ARHGAP23: variants seen among roughly 807,000 people sequenced by gnomAD.
ARHGAP23 encodes rho GTPase-activating protein 23.
In ARHGAP23, 34 loss-of-function variants were observed where a neutral mutation model predicts 136.3. The observed-to-expected ratio is 0.25, with a 90% CI of 0.19 to 0.33. The LOEUF is 0.33. Ranked by LOEUF, ARHGAP23 falls within the 10% of genes least tolerant of loss-of-function variation. ARHGAP23 has a pLI of 1.00. For missense variants in ARHGAP23, 1,808 were observed against 2,139.0 expected (o/e 0.85, Z 3.05); for synonymous variants, 832 against 920.5 (o/e 0.90, Z 1.74).
intron 23 of ARHGAP23, among the ~76,000 whole-genome samples, chr17:38,506,594 T>A (rs1202428519): frequency 2.0e-5 from 3 of 152,162 alleles, no homozygotes; most frequent in East Asian, 1.9e-4. Flanking sequence ...GTCTTGTAGA[T>A]GGTAGATGGC....
At chr17:38,481,568 C>T (rs2040043280) in intron 14 of ARHGAP23, among the ~76,000 whole-genome samples, 1 of 152,214 alleles carries the variant, frequency 6.6e-6, no homozygotes, top group Admixed American at 6.5e-5. Flanking sequence ...GCTGGGATTA[C>T]AAGCATAAGC....
chr17:38,466,451 CT>C lies in ARHGAP23; in HGVS notation c.770del (p.Phe257SerfsTer82). 6.6e-7 allele frequency: 1 copy of C among 1,524,368 alleles called. No homozygotes were observed. Among genetic ancestry groups the C allele is most frequent in the Non-Finnish European group, 8.8e-7 (1 of 1,138,540 alleles). 94.4% of individuals were successfully genotyped at this position (1,524,368 alleles called of 1,614,324 possible). A position where few individuals can be genotyped will look rare whatever the true frequency, so the allele number is the denominator to read the frequency against. ...MSQPRPSPGA[F>X]PHLSSEPRTP... is the part of the protein sequence containing the mutation. ...GCCAGCCCCGCCCCAGCCCTGGTGC[CT>C]TCCCCCACCTCTCCTCGGAGCCCCG... On this transcript the variant is annotated frameshift_variant, in exon 7 of 24. Coordinates refer to ENST00000622683, the MANE Select transcript of ARHGAP23 (RefSeq NM_001199417.2). LOFTEE classifies it high-confidence loss of function.
chr17:38,510,622 C>G lies in ARHGAP23; in HGVS notation c.4126C>G (p.Leu1376Val), dbSNP rs990515416. 7.4e-7 allele frequency: 1 copy of G among 1,344,954 alleles called. No individual in the cohort carries two copies. The highest frequency in any genetic ancestry group is 9.5e-7 in the Non-Finnish European group (1 of 1,056,716). The allele number at this position is 1,344,954 out of a possible 1,614,324, so 83.3% of individuals were successfully genotyped here. Reference protein sequence around the residue: ...PSRMEALRLRLRGTADDMLAV... With the variant: ...PSRMEALRLRVRGTADDMLAV... ...GCGCATGGAGGCGCTGCGTCTAAGG[C>G]TCCGCGGCACGGCGGACGACATGCT... is the stretch of plus-strand genomic sequence containing the variant. Residue 1376 changes from leucine to valine, a missense_variant, in exon 24 of 24, where the codon CTC becomes GTC. Transcript: ENST00000622683. The surrounding 1 kb of genome is among the most constrained non-coding windows in gnomAD (Gnocchi z 4.6).
chr17:38,492,412 G>A (rs988921282), intron 20 of ARHGAP23, among the ~76,000 whole-genome samples: 1 of 152,160 alleles, frequency 6.6e-6, no homozygotes, highest in Non-Finnish European at 1.5e-5. Context: ...CTTTAGGGAA[G>A]GAAAGCTGGG....
chr17:38,446,927 C>T (rs1462940500), intron 1 of ARHGAP23, among the ~76,000 whole-genome samples: 1 of 152,106 alleles, frequency 6.6e-6, no homozygotes, highest in Non-Finnish European at 1.5e-5. Context: ...GATCCTCCCA[C>T]CTCAGCCTCC....
At chr17:38,475,303 C>G (rs1210473930) in intron 11 of ARHGAP23, among the ~76,000 whole-genome samples, 2 of 152,376 alleles carry the variant, frequency 1.3e-5, no homozygotes, top group African/African-American at 4.8e-5. Flanking sequence ...GACCAACTCT[C>G]TCACTCATTT....
In ARHGAP23 at chr17:38,510,917, T is replaced by G; in HGVS notation, c.4421T>G (p.Leu1474Arg). 5 of 1,487,076 alleles carry G rather than the reference T, an allele frequency of 3.4e-6. 1 individual carries two copies. The South Asian group carries it at 6.4e-5, about 19-fold the overall frequency. 92.1% of individuals were successfully genotyped at this position (1,487,076 alleles called of 1,614,324 possible). ...CCCGCGCCCGGGGACACGGGGTCCCTGCAGAGCCAGCCCCCGCGCCGCTCG... is the reference window on the plus strand; with the variant it reads ...CCCGCGCCCGGGGACACGGGGTCCCGGCAGAGCCAGCCCCCGCGCCGCTCG... ...QPPAPGDTGS[L>R]QSQPPRRSAA... Residue 1474 changes from leucine (L) to arginine (R), a missense_variant, in exon 24 of 24, where the codon CTG (leucine) becomes CGG (arginine). Leu to Arg is a moderately radical substitution (Grantham distance 102, BLOSUM62 -2). This residue lies in a region of ARHGAP23 where 506 missense variants were observed against 455.8 expected (regional missense o/e 1.11). Transcript: ENST00000622683. The surrounding 1 kb of genome is among the most constrained non-coding windows in gnomAD (Gnocchi z 4.6).
chr17:38,452,606 G>T (rs1348922073), intron 1 of ARHGAP23, among the ~76,000 whole-genome samples: 1 of 152,158 alleles, frequency 6.6e-6, no homozygotes, highest in African/African-American at 2.4e-5. Context: ...GGTCCTCTTG[G>T]ACCTCAGTTT....
chr17:38,485,230 G>A (rs560758098), intron 16 of ARHGAP23, among the ~76,000 whole-genome samples: 34 of 152,186 alleles, frequency 2.2e-4, no homozygotes, highest in Non-Finnish European at 4.0e-4. Flanking sequence ...CGATCCACTA[G>A]ATGCAAGTGG....
intron 23 of ARHGAP23, among the ~76,000 whole-genome samples, chr17:38,508,216 A>G (rs963170832): frequency 1.3e-5 from 2 of 152,204 alleles, no homozygotes; most frequent in Non-Finnish European, 2.9e-5. Context: ...ATCTCAGGCA[A>G]AGGGAGGGCT....
chr17:38,445,885 C>T (rs7503298), intron 1 of ARHGAP23, among the ~76,000 whole-genome samples: 2 of 151,918 alleles, frequency 1.3e-5, no homozygotes, highest in African/African-American at 4.8e-5. Flanking sequence ...TCTCCCACCT[C>T]AGCCTCCCAA....
At chr17:38,438,495 A>G (rs1156707815) in intron 1 of ARHGAP23, among the ~76,000 whole-genome samples, 1 of 152,168 alleles carries the variant, frequency 6.6e-6, no homozygotes, top group Non-Finnish European at 1.5e-5. Context: ...GGAGGAGGTC[A>G]GGTTGGCAAG....
intron 1 of ARHGAP23, 52 bp downstream of exon 1, chr17:38,428,600 G>C (rs932264058): frequency 4.8e-6 from 6 of 1,252,352 alleles, no homozygotes; most frequent in African/African-American, 1.6e-5. Flanking sequence ...GCTGGGGAGC[G>C]GGCTGCCAAG....
At chr17:38,493,194 CTTT>C (rs60372950) in intron 20 of ARHGAP23, among the ~76,000 whole-genome samples, 1 of 133,056 alleles carries the variant, frequency 7.5e-6, no homozygotes, top group Non-Finnish European at 1.6e-5. Flanking sequence ...TCTCTTTTCG[CTTT>C]TTTTTTGTTT....
At chr17:38,487,191 G>A (rs2040179292) in intron 17 of ARHGAP23, among the ~76,000 whole-genome samples, 1 of 152,218 alleles carries the variant, frequency 6.6e-6, no homozygotes, top group African/African-American at 2.4e-5. Context: ...CAAAAGCAGA[G>A]TTGTAATTCT....
chr17:38,440,390 A>G (rs1342397406), intron 1 of ARHGAP23, among the ~76,000 whole-genome samples: 1 of 152,226 alleles, frequency 6.6e-6, no homozygotes, highest in Non-Finnish European at 1.5e-5. Context: ...CTTTGGTTTT[A>G]TAAAACCAGG....
At chr17:38,457,878 G>A (rs2039365637) in intron 1 of ARHGAP23, 1 of 596,546 alleles carries the variant, frequency 1.7e-6, no homozygotes, top group South Asian at 2.0e-5. Context: ...ACATTATGAG[G>A]GGACTGAGGG....
chr17:38,481,446 C>T (rs2144717330), intron 14 of ARHGAP23, among the ~76,000 whole-genome samples: 1 of 152,346 alleles, frequency 6.6e-6, no homozygotes, highest in South Asian at 2.1e-4. Flanking sequence ...CGCGCCCGGC[C>T]CACGCCCGGC....
intron 1 of ARHGAP23, among the ~76,000 whole-genome samples, chr17:38,449,080 G>C (rs2039099938): frequency 6.6e-6 from 1 of 152,146 alleles, no homozygotes; most frequent in Non-Finnish European, 1.5e-5. Context: ...TGGCCTCCCA[G>C]AGTGCTGGGA....
Sources: allele counts gnomAD v4.1 joint callset (sites outside exome capture counted in the v4.1 genomes callset), GRCh38; gene constraint gnomAD v4.1.1; regional missense constraint gnomAD v4.1.1; non-coding constraint Gnocchi (gnomAD v3.1); transcripts MANE v1.5; gene names NCBI Gene and HGNC (gene_info 2026-07-23, HGNC 2026-07-21).